The following DTNB variants were observed in gnomAD, a reference collection of about 807,000 sequenced individuals.
The protein encoded by DTNB is dystrobrevin beta.
In DTNB, 63 loss-of-function variants were observed where a neutral mutation model predicts 90.7. That is an observed-to-expected ratio of 0.69 (90% CI 0.57 to 0.86). The LOEUF is 0.86. DTNB is among the 40% of genes least tolerant of loss of function. The pLI, the probability that DTNB is intolerant of heterozygous loss-of-function variation, is 0.00. For synonymous variants in DTNB, 277 were observed against 286.7 expected, an observed-to-expected ratio of 0.97 and a Z score of 0.34; for missense variants, 744 against 807.1, an observed-to-expected ratio of 0.92 and a Z score of 0.95.
intron 9 of DTNB, among the ~76,000 whole-genome samples, chr2:25,497,129 C>A (rs1315972209): frequency 1.3e-5 from 2 of 152,162 alleles, no homozygotes; most frequent in East Asian, 3.9e-4. Flanking sequence ...TAGTCTTCCC[C>A]ACAGAGCATT....
intron 10 of DTNB, among the ~76,000 whole-genome samples, chr2:25,457,580 C>A (rs377620065): frequency 9.7e-4 from 147 of 152,238 alleles, no homozygotes; most frequent in African/African-American, 3.3e-3. Context: ...ATCCTTTTCC[C>A]ATTTGTCCCG....
At chr2:25,634,799 G>A (rs200174003) in intron 3 of DTNB, among the ~76,000 whole-genome samples, 1 of 112,966 alleles carries the variant, frequency 8.9e-6, no homozygotes, top group Non-Finnish European at 2.1e-5. Flanking sequence ...TGTCCACTCA[G>A]GGTTAAATGG....
intron 1 of DTNB, among the ~76,000 whole-genome samples, chr2:25,654,089 CAA>C (rs1559401925): frequency 6.6e-6 from 1 of 152,056 alleles, no homozygotes; most frequent in Admixed American, 6.6e-5. Context: ...AACAAAAGTT[CAA>C]AAAAGACAAA....
At chr2:25,667,535 A>G (rs1574264540) in intron 1 of DTNB, among the ~76,000 whole-genome samples, 2 of 152,146 alleles carry the variant, frequency 1.3e-5, no homozygotes, top group East Asian at 1.9e-4. Flanking sequence ...GAAGAGATAC[A>G]CTGCAAGAAA....
chr2:25,614,007 C>A (rs564597277), intron 4 of DTNB, among the ~76,000 whole-genome samples: 11 of 151,984 alleles, frequency 7.2e-5, no homozygotes, highest in Admixed American at 7.2e-4. Flanking sequence ...GGAGCTTTAT[C>A]CCAAGAATAT....
chr2:25,386,412 T>C (rs2039482222), intron 18 of DTNB, among the ~76,000 whole-genome samples: 1 of 152,214 alleles, frequency 6.6e-6, no homozygotes, highest in South Asian at 2.1e-4. Flanking sequence ...GTTAAGCTAC[T>C]TCAAGGTATT....
chr2:25,643,842 G>T (rs947886853), intron 2 of DTNB, among the ~76,000 whole-genome samples: 1 of 152,266 alleles, frequency 6.6e-6, no homozygotes, highest in East Asian at 1.9e-4. Flanking sequence ...TTCCTAGACA[G>T]TTAAGGCATT....
chr2:25,495,787 T>C (rs1424223099), intron 9 of DTNB, among the ~76,000 whole-genome samples: 1 of 152,222 alleles, frequency 6.6e-6, no homozygotes, highest in Non-Finnish European at 1.5e-5. Context: ...AAGCATCTGG[T>C]ACTGTAAGTG....
intron 16 of DTNB, among the ~76,000 whole-genome samples, chr2:25,394,619 C>T (rs2041954404): frequency 6.6e-6 from 1 of 151,986 alleles, no homozygotes; most frequent in Non-Finnish European, 1.5e-5. Flanking sequence ...AAATGGCCAA[C>T]AAGTATATGG....
intron 10 of DTNB, among the ~76,000 whole-genome samples, chr2:25,468,667 A>G (rs142210929): frequency 1.6e-4 from 25 of 152,336 alleles, no homozygotes; most frequent in African/African-American, 5.3e-4. Flanking sequence ...GCTGCTAGAC[A>G]TGAACACTAG....
At chr2:25,482,767 C>A (rs774689228) in intron 10 of DTNB, 29 bp downstream of exon 10, 8 of 1,611,466 alleles carry the variant, frequency 5.0e-6, no homozygotes, top group Non-Finnish European at 6.8e-6. Flanking sequence ...GAGGCCAACA[C>A]CCAAGTCGAA....
intron 8 of DTNB, among the ~76,000 whole-genome samples, chr2:25,534,917 A>G (rs1291694404): frequency 2.1e-5 from 3 of 142,664 alleles, no homozygotes; most frequent in Non-Finnish European, 4.5e-5. Context: ...GGCACTCCCC[A>G]CCTCCCAGAT....
intron 4 of DTNB, among the ~76,000 whole-genome samples, chr2:25,620,932 CAGG>C (rs1396619607): frequency 6.6e-6 from 1 of 152,074 alleles, no homozygotes; most frequent in Non-Finnish European, 1.5e-5. Flanking sequence ...GAGGCTGAAG[CAGG>C]AGAACTGCTT....
intron 9 of DTNB, among the ~76,000 whole-genome samples, chr2:25,485,188 TAA>T (rs2065870490): frequency 1.3e-5 from 2 of 152,164 alleles, no homozygotes; most frequent in African/African-American, 2.4e-5. Flanking sequence ...TTTTAATAAA[TAA>T]TAGAGACAAG....
intron 1 of DTNB, among the ~76,000 whole-genome samples, chr2:25,672,203 C>CAAAAAAAAAAAAA (rs5829985): frequency 2.4e-5 from 1 of 42,474 alleles, no homozygotes. Flanking sequence ...CCTCGCATAG[C>CAAAAAAAAAAAAA]AAAAAAAAAA....
At chr2:25,475,917 A>G (rs929163083) in intron 10 of DTNB, among the ~76,000 whole-genome samples, 19 of 152,198 alleles carry the variant, frequency 1.2e-4, no homozygotes, top group Non-Finnish European at 2.8e-4. Context: ...ACTGTTCAGA[A>G]AAAAAGATTG....
At chr2:25,429,304 T>C (rs1341004260) in intron 14 of DTNB, among the ~76,000 whole-genome samples, 1 of 152,214 alleles carries the variant, frequency 6.6e-6, no homozygotes, top group Non-Finnish European at 1.5e-5. Context: ...CTGTTAGAAA[T>C]GTTTTGATTA....
intron 6 of DTNB, among the ~76,000 whole-genome samples, chr2:25,588,710 C>A (rs543595952): frequency 4.3e-4 from 66 of 152,236 alleles, no homozygotes; most frequent in African/African-American, 1.4e-3. Context: ...AAAGTGGATA[C>A]AACTCAGTTG....
At chr2:25,402,673 T>C (rs552829215) in intron 16 of DTNB, among the ~76,000 whole-genome samples, 2 of 152,324 alleles carry the variant, frequency 1.3e-5, no homozygotes, top group East Asian at 1.9e-4. Context: ...TTCCATATCA[T>C]GTCAGAAACC....
Sources: gnomAD v4.1 joint callset for allele counts (sites outside exome capture counted in the v4.1 genomes callset) on GRCh38, gnomAD v4.1.1 for gene constraint, MANE v1.5 for transcripts, NCBI Gene and HGNC (gene_info 2026-07-23, HGNC 2026-07-21) for gene names.